ROBO1: variants seen among roughly 807,000 people sequenced by gnomAD.
ROBO1 encodes the protein roundabout homolog 1.
Under a neutral mutation model 195.9 loss-of-function variants are expected in ROBO1, and 149 were observed. The observed-to-expected ratio is 0.76, with a 90% CI of 0.67 to 0.87. The LOEUF (loss-of-function observed/expected upper bound fraction) is 0.87, where lower values mean the gene tolerates loss of function less well. Among genes scored for constraint, ROBO1 ranks in the 40% least tolerant of loss-of-function variants. ROBO1 has a pLI of 0.00. For missense variants in ROBO1, 1,933 were observed against 2,068.3 expected (o/e 0.93, Z 1.27); for synonymous variants, 816 against 733.2 (o/e 1.11, Z -1.82).
intron 2 of ROBO1, among the ~76,000 whole-genome samples, chr3:79,461,587 C>A (rs567041937): frequency 6.6e-6 from 1 of 152,290 alleles, no homozygotes; most frequent in South Asian, 2.1e-4. Flanking sequence ...ATTGGTACCA[C>A]ATGGACTAGA....
At chr3:79,482,226 G>A (rs997481354) in intron 2 of ROBO1, among the ~76,000 whole-genome samples, 8 of 152,186 alleles carry the variant, frequency 5.3e-5, no homozygotes, top group African/African-American at 1.9e-4. Context: ...ATGTGAAGAT[G>A]TAGAAGATGC....
intron 2 of ROBO1, among the ~76,000 whole-genome samples, chr3:79,541,773 A>ATG (rs1242532945): frequency 6.7e-6 from 1 of 150,256 alleles, no homozygotes; most frequent in Admixed American, 6.7e-5. Context: ...GTGTCTATAT[A>ATG]TGTGTGTGTA....
Position 78,949,072 on chromosome 3 carries a change from A to C in ROBO1, c.173-10145T>G, listed in dbSNP as rs546862242. Among the ~76,000 whole-genome samples, 195 of 144,332 alleles carry C rather than the reference A, an allele frequency of 1.4e-3. 5 individuals are homozygous for C. Among genetic ancestry groups the C allele is most frequent in the African/African-American group, 3.8e-3 (143 of 37,882 alleles). 94.7% of individuals were successfully genotyped at this position (144,332 alleles called of 152,430 possible). ...GGTAGGAAGAATCAATATCGTGAAAATGGCCATACTGCCCAAGGTAATTTA... is the reference window on the plus strand; with the variant it reads ...GGTAGGAAGAATCAATATCGTGAAACTGGCCATACTGCCCAAGGTAATTTA... On this transcript the variant is annotated intron_variant, in intron 3 of 30. Transcript: ENST00000464233.
chr3:79,203,684 G>T (rs562022573), intron 2 of ROBO1, among the ~76,000 whole-genome samples: 1 of 152,248 alleles, frequency 6.6e-6, no homozygotes, highest in East Asian at 1.9e-4. Flanking sequence ...TGAACAATTT[G>T]AAAATCAGTG....
intron 1 of ROBO1, among the ~76,000 whole-genome samples, chr3:79,755,877 C>A (rs1023609537): frequency 1.3e-5 from 2 of 152,188 alleles, no homozygotes; most frequent in Non-Finnish European, 2.9e-5. Flanking sequence ...CTTGATCTGG[C>A]AGTTTGCATG....
At chr3:79,406,186 G>T (rs1359030924) in intron 2 of ROBO1, among the ~76,000 whole-genome samples, 2 of 150,936 alleles carry the variant, frequency 1.3e-5, no homozygotes, top group Non-Finnish European at 2.9e-5. Flanking sequence ...ATTTGAGAAT[G>T]TTGAGATGTG....
chr3:79,514,566 A>G (rs62257638), intron 2 of ROBO1, among the ~76,000 whole-genome samples: 137 of 152,260 alleles, frequency 9.0e-4, no homozygotes, highest in Non-Finnish European at 1.5e-3. Flanking sequence ...CCTTGTCTAT[A>G]TTAGGGTTTG....
rs1302015929 is a variant in ROBO1, at chr3:79,678,556, T to G, written c.-50-88595A>C. Among the ~76,000 whole-genome samples, 3 of 152,214 alleles carry G rather than the reference T, an allele frequency of 2.0e-5. No homozygotes were observed. The East Asian group carries it at 5.8e-4, about 30-fold the overall frequency. ...TACTTATTGAACATTATCAGAGAGT[T>G]AAAAATCTTCAATTCCTCTTTTAGA... On this transcript the variant is annotated intron_variant, in intron 1 of 30. Transcript: ENST00000464233.
intron 1 of ROBO1, among the ~76,000 whole-genome samples, chr3:79,666,669 T>C (rs1280525781): frequency 6.6e-6 from 1 of 151,874 alleles, no homozygotes; most frequent in Non-Finnish European, 1.5e-5. Context: ...CCTTTCCTTT[T>C]CTGCCATGAT....
intron 2 of ROBO1, among the ~76,000 whole-genome samples, chr3:79,153,401 G>A (rs1233223744): frequency 1.3e-5 from 2 of 151,660 alleles, no homozygotes; most frequent in Non-Finnish European, 2.9e-5. Flanking sequence ...CATGTTCCAA[G>A]CAATTTAAAA....
At chr3:79,177,934 T>C (rs1357382686) in intron 2 of ROBO1, among the ~76,000 whole-genome samples, 1 of 152,252 alleles carries the variant, frequency 6.6e-6, no homozygotes, top group East Asian at 1.9e-4. Flanking sequence ...TAAGATTCTT[T>C]TTGAGAAACA....
At chr3:79,165,744 G>A (rs1448911581) in intron 2 of ROBO1, among the ~76,000 whole-genome samples, 4 of 152,110 alleles carry the variant, frequency 2.6e-5, no homozygotes, top group African/African-American at 7.2e-5. Context: ...ATAATCTATC[G>A]TGATGGTTCT....
intron 2 of ROBO1, among the ~76,000 whole-genome samples, chr3:79,499,648 A>G (rs972441020): frequency 8.5e-5 from 13 of 152,148 alleles, no homozygotes; most frequent in Non-Finnish European, 1.8e-4. Flanking sequence ...TAAAACATTA[A>G]CAGAATAAGA....
chr3:78,762,325 G>A (rs1018773942), intron 4 of ROBO1, among the ~76,000 whole-genome samples: 10 of 151,956 alleles, frequency 6.6e-5, no homozygotes, highest in Non-Finnish European at 1.0e-4. Flanking sequence ...TTTTTTATTA[G>A]CTTTTAAAAA....
chr3:79,632,010 C>T (rs1272617562), intron 1 of ROBO1, among the ~76,000 whole-genome samples: 2 of 151,992 alleles, frequency 1.3e-5, no homozygotes, highest in Admixed American at 1.3e-4. Flanking sequence ...ATAGGGAATG[C>T]TTGCTTATAT....
chr3:78,815,202 A>G (rs1344805505), intron 4 of ROBO1, among the ~76,000 whole-genome samples: 1 of 152,104 alleles, frequency 6.6e-6, no homozygotes, highest in Non-Finnish European at 1.5e-5. Context: ...TTCAAGTGAA[A>G]GGAAGAGTGG....
At chr3:79,683,731 C>T (rs2106999302) in intron 1 of ROBO1, among the ~76,000 whole-genome samples, 1 of 152,134 alleles carries the variant, frequency 6.6e-6, no homozygotes. Context: ...CCTTCTTTCA[C>T]TTAGCATGGT....
chr3:79,187,207 A>G (rs1378635), intron 2 of ROBO1, among the ~76,000 whole-genome samples: 8,129 of 152,100 alleles, frequency 0.053, 279 homozygotes, highest in Middle Eastern at 0.099. Flanking sequence ...TAATATATGG[A>G]AAAACTTTCT....
chr3:79,251,818 C>T (rs942037349), intron 2 of ROBO1, among the ~76,000 whole-genome samples: 13 of 151,870 alleles, frequency 8.6e-5, no homozygotes, highest in Non-Finnish European at 1.3e-4. Context: ...GGCATGGTGG[C>T]GCGCATCTGT....
Sources: allele counts gnomAD v4.1 joint callset (sites outside exome capture counted in the v4.1 genomes callset), GRCh38; gene constraint gnomAD v4.1.1; transcripts MANE v1.5; gene names NCBI Gene and HGNC (gene_info 2026-07-23, HGNC 2026-07-21).